FOXP2: variants seen among roughly 807,000 people sequenced by gnomAD.
The protein encoded by FOXP2 is forkhead box protein P2.
FOXP2 carries 12 observed loss-of-function variants against 115.8 expected under a neutral mutation model. That is an observed-to-expected ratio of 0.10 (90% confidence interval 0.07 to 0.17). The LOEUF is 0.17. Ranked by LOEUF, FOXP2 falls within the 10% of genes least tolerant of loss-of-function variation. The pLI, the probability that FOXP2 is intolerant of heterozygous loss-of-function variation, is 1.00. For synonymous variants in FOXP2, 328 were observed against 297.7 expected, an observed-to-expected ratio of 1.10 and a Z score of -1.05; for missense variants, 629 against 843.5, an observed-to-expected ratio of 0.75 and a Z score of 3.15.
chr7:114,598,578 C>A (rs986815269), intron 3 of FOXP2, among the ~76,000 whole-genome samples: 11 of 151,942 alleles, frequency 7.2e-5, no homozygotes, highest in African/African-American at 1.7e-4. Flanking sequence ...TGACATTTAT[C>A]TTTTCTAAAG....
intron 2 of FOXP2, among the ~76,000 whole-genome samples, chr7:114,320,444 C>A (rs969466272): frequency 6.6e-6 from 1 of 151,942 alleles, no homozygotes; most frequent in Non-Finnish European, 1.5e-5. Context: ...TACTTAATTA[C>A]GTGTTTGTTT....
At chr7:114,172,169 A>G (rs953105484) in intron 1 of FOXP2, among the ~76,000 whole-genome samples, 5 of 152,226 alleles carry the variant, frequency 3.3e-5, no homozygotes, top group African/African-American at 1.2e-4. Context: ...CTACTACAGT[A>G]TAATGTACCT....
chr7:114,154,972 T>C (rs1196404473), intron 1 of FOXP2, among the ~76,000 whole-genome samples: 2 of 152,144 alleles, frequency 1.3e-5, no homozygotes, highest in Non-Finnish European at 2.9e-5. Flanking sequence ...TTATGTCAGG[T>C]ACCAATCTTG....
chr7:114,094,571 A>G (rs1799605155), intron 1 of FOXP2, among the ~76,000 whole-genome samples: 1 of 152,152 alleles, frequency 6.6e-6, no homozygotes, highest in Admixed American at 6.5e-5. Flanking sequence ...ATTCTGACAT[A>G]CCATTAGTGA....
intron 2 of FOXP2, among the ~76,000 whole-genome samples, chr7:114,349,780 C>G (rs567497129): frequency 6.6e-6 from 1 of 152,132 alleles, no homozygotes; most frequent in South Asian, 2.1e-4. Flanking sequence ...GAGATGCATA[C>G]TGGTGTGGAT....
intron 8 of FOXP2, among the ~76,000 whole-genome samples, chr7:114,651,941 G>T (rs1194930085): frequency 6.6e-6 from 1 of 152,126 alleles, no homozygotes; most frequent in Non-Finnish European, 1.5e-5. Flanking sequence ...CTCTGTAAAT[G>T]GTCTGGGGAA....
intron 16 of FOXP2, among the ~76,000 whole-genome samples, chr7:114,689,019 G>A (rs1420960994): frequency 6.6e-6 from 1 of 152,082 alleles, no homozygotes; most frequent in East Asian, 1.9e-4. Context: ...TCCACCAGGT[G>A]CTATCTGTGA....
At chr7:114,257,251 A>G (rs1795638697) in intron 1 of FOXP2, among the ~76,000 whole-genome samples, 1 of 152,146 alleles carries the variant, frequency 6.6e-6, no homozygotes, top group South Asian at 2.1e-4. Context: ...TATGCAGAAC[A>G]TTGAAACTGG....
At chr7:114,552,531 G>A (rs1800261098) in intron 3 of FOXP2, among the ~76,000 whole-genome samples, 1 of 152,084 alleles carries the variant, frequency 6.6e-6, no homozygotes, top group African/African-American at 2.4e-5. Context: ...TTTTAACTTT[G>A]ATAATGAGTT....
intron 2 of FOXP2, among the ~76,000 whole-genome samples, chr7:114,368,408 T>C (rs1416117373): frequency 6.6e-6 from 1 of 152,198 alleles, no homozygotes; most frequent in Non-Finnish European, 1.5e-5. Flanking sequence ...TTTGAAACTA[T>C]AGATCATTTT....
At chr7:114,503,579 T>C (rs1279545897) in intron 2 of FOXP2, among the ~76,000 whole-genome samples, 1 of 150,906 alleles carries the variant, frequency 6.6e-6, no homozygotes, top group Admixed American at 6.6e-5. Flanking sequence ...TCATTCTTGT[T>C]TTAATATAAT....
intron 3 of FOXP2, among the ~76,000 whole-genome samples, chr7:114,568,948 T>A (rs1282566727): frequency 6.6e-6 from 1 of 151,926 alleles, no homozygotes; most frequent in Non-Finnish European, 1.5e-5. Flanking sequence ...AGACACAAAT[T>A]ATGATATTTT....
At chr7:114,653,785 C>T (rs1806418740) in intron 9 of FOXP2, 141 bp from the exon 10 acceptor site, 7 of 898,788 alleles carry the variant, frequency 7.8e-6, no homozygotes, top group Non-Finnish European at 1.3e-5. Flanking sequence ...CATTTCCTCC[C>T]AGATAAGTTC....
chr7:114,630,479 A>C (rs991043150), intron 5 of FOXP2: 10 of 192,678 alleles, frequency 5.2e-5, no homozygotes, highest in Non-Finnish European at 9.8e-5. Flanking sequence ...GCGAGTAGAA[A>C]GTTACAGTTT....
At chr7:114,126,405 C>A (rs1791710946) in intron 1 of FOXP2, among the ~76,000 whole-genome samples, 1 of 152,080 alleles carries the variant, frequency 6.6e-6, no homozygotes. Flanking sequence ...CTTCTAAATA[C>A]TTTCATTTTC....
chr7:114,534,359 A>G (rs1799275716), intron 2 of FOXP2, among the ~76,000 whole-genome samples: 1 of 151,822 alleles, frequency 6.6e-6, no homozygotes, highest in Admixed American at 6.6e-5. Flanking sequence ...GCAGTTTATG[A>G]TTTTTATCCT....
rs754361203 is a variant in FOXP2, at chr7:114,631,646, A to G, written c.716A>G (p.Gln239Arg). The part of the protein sequence containing the change: ...QQQHLLSLQR[Q>R]GLISIPPGQA... ...CAGCATCTGCTCAGCCTTCAGCGTC[A>G]GGGACTCATCTCCATTCCACCTGGC... The change falls in exon 6 of 17, where the codon CAG becomes CGG. Residue 239 changes from glutamine (Q) to arginine (R), a missense_variant. Gln to Arg is a conservative substitution (Grantham distance 43). Coordinates refer to ENST00000350908, the MANE Select transcript of FOXP2 (RefSeq NM_014491.4). 3.7e-6 allele frequency: 6 copies of G among 1,614,132 alleles called. No individual in the cohort carries two copies. The South Asian group carries it at 5.5e-5, about 15-fold the overall frequency.
At chr7:114,660,613 T>A (rs942167400) in intron 13 of FOXP2, among the ~76,000 whole-genome samples, 6 of 152,194 alleles carry the variant, frequency 3.9e-5, no homozygotes, top group African/African-American at 1.4e-4. Context: ...TATTAGTTGC[T>A]ACAGTATGTG....
At chr7:114,130,112 A>G (rs957095035) in intron 1 of FOXP2, among the ~76,000 whole-genome samples, 9 of 152,070 alleles carry the variant, frequency 5.9e-5, no homozygotes, top group African/African-American at 2.2e-4. Context: ...CCAGGAGTTC[A>G]AGACTAGCCT....
Sources: allele counts gnomAD v4.1 joint callset (sites outside exome capture counted in the v4.1 genomes callset), GRCh38; gene constraint gnomAD v4.1.1; transcripts MANE v1.5; gene names NCBI Gene and HGNC (gene_info 2026-07-23, HGNC 2026-07-21).